The following SLC9A9 variants were observed in gnomAD, a reference collection of about 807,000 sequenced individuals.
SLC9A9 encodes the protein sodium/hydrogen exchanger 9.
In SLC9A9, 62 loss-of-function variants were observed where a neutral mutation model predicts 77.8. The ratio of observed to expected loss-of-function variants is 0.80; its 90% CI spans 0.65 to 0.98. SLC9A9 has a LOEUF of 0.98. Ranked by LOEUF, SLC9A9 falls within the 50% of genes least tolerant of loss-of-function variation. The pLI is 0.00. For synonymous variants in SLC9A9, 320 were observed against 283.5 expected, an observed-to-expected ratio of 1.13 and a Z score of -1.29; for missense variants, 775 against 774.9, an observed-to-expected ratio of 1.00 and a Z score of 0.00.
intron 8 of SLC9A9, among the ~76,000 whole-genome samples, chr3:143,567,668 A>C (rs2037189675): frequency 6.6e-6 from 1 of 152,212 alleles, no homozygotes; most frequent in Admixed American, 6.6e-5. Flanking sequence ...GGTGGCTGCA[A>C]ATGTGGCCCT....
chr3:143,842,163 G>A (rs901390328), intron 1 of SLC9A9, among the ~76,000 whole-genome samples: 1 of 152,066 alleles, frequency 6.6e-6, no homozygotes, highest in African/African-American at 2.4e-5. Flanking sequence ...GGCAGATCAC[G>A]AGGTCAGGAG....
intron 5 of SLC9A9, among the ~76,000 whole-genome samples, chr3:143,675,134 C>A (rs1291053038): frequency 6.6e-6 from 1 of 152,196 alleles, no homozygotes; most frequent in Non-Finnish European, 1.5e-5. Context: ...TCTTAAAAAT[C>A]ATCTAATTCC....
intron 12 of SLC9A9, among the ~76,000 whole-genome samples, chr3:143,398,638 C>A (rs2033782868): frequency 6.6e-6 from 1 of 152,114 alleles, no homozygotes; most frequent in African/African-American, 2.4e-5. Flanking sequence ...CAATTGGTTA[C>A]TTTAATAATT....
intron 8 of SLC9A9, among the ~76,000 whole-genome samples, chr3:143,567,051 C>G (rs2037180451): frequency 6.6e-6 from 1 of 152,042 alleles, no homozygotes; most frequent in Admixed American, 6.6e-5. Flanking sequence ...AACCTAATGA[C>G]TTTTAGAAAA....
chr3:143,474,759 T>C (rs1479287119), intron 11 of SLC9A9, among the ~76,000 whole-genome samples: 1 of 152,010 alleles, frequency 6.6e-6, no homozygotes, highest in Non-Finnish European at 1.5e-5. Context: ...TAGAAAGATA[T>C]GAGGATAGTT....
chr3:143,490,836 A>G (rs2035731649), intron 11 of SLC9A9, among the ~76,000 whole-genome samples: 1 of 152,190 alleles, frequency 6.6e-6, no homozygotes, highest in South Asian at 2.1e-4. Context: ...TAAATATGTA[A>G]CATTACCATC....
rs193043786 is a variant in SLC9A9, at chr3:143,266,462, C to T, written c.*240G>A. ...CCTGATACCTCCATCCCCACCCCAG[C>T]CAATCCAGTAATCAGAATGGCTGCT... On this transcript the variant is annotated 3_prime_UTR_variant, in exon 16 of 16. Coordinates refer to ENST00000316549, the MANE Select transcript of SLC9A9 (RefSeq NM_173653.4). 15 of 571,672 alleles carry T rather than the reference C, an allele frequency of 2.6e-5. No homozygotes were observed. The highest frequency in any genetic ancestry group is 2.2e-4 in the East Asian group (7 of 32,436). The allele number at this position is 571,672 out of a possible 1,614,324, so 35.4% of individuals were successfully genotyped here. A position where few individuals can be genotyped will look rare whatever the true frequency, so the allele number is the denominator to read the frequency against.
chr3:143,396,433 C>T lies in SLC9A9; in HGVS notation c.1470-14319G>A, dbSNP rs573938358. 2.2e-3 allele frequency among the ~76,000 whole-genome samples: 341 copies of T among 152,230 alleles called. 1 individual carries two copies. The highest frequency in any genetic ancestry group is 7.8e-3 in the African/African-American group (326 of 41,536). On this transcript the variant is annotated intron_variant, in intron 12 of 15. Transcript: ENST00000316549. Reference sequence around the variant, plus strand: ...GACACAGGAAGCGGAACATCACACACAGCCTGTTGTGGGTTGGGGGGCTGG... The same window carrying T: ...GACACAGGAAGCGGAACATCACACATAGCCTGTTGTGGGTTGGGGGGCTGG...
intron 2 of SLC9A9, among the ~76,000 whole-genome samples, chr3:143,816,088 T>A (rs2009008458): frequency 6.6e-6 from 1 of 152,238 alleles, no homozygotes; most frequent in South Asian, 2.1e-4. Flanking sequence ...TCTCCTCTTC[T>A]CACCCAGCCC....
chr3:143,523,483 C>A (rs1475389208), intron 9 of SLC9A9, among the ~76,000 whole-genome samples: 1 of 152,066 alleles, frequency 6.6e-6, no homozygotes, highest in Non-Finnish European at 1.5e-5. Flanking sequence ...ATAACTTGTA[C>A]CTGTTAAGAT....
chr3:143,721,523 C>G lies in SLC9A9; in HGVS notation c.534-28216G>C, dbSNP rs1360020664. ...GGTGTAGGTAGGCAGTCTCTGGAGA[C>G]GTGGTCATCAAGAGTAAAGAGAAAG... On this transcript the variant is annotated intron_variant, in intron 4 of 15. Transcript: ENST00000316549. 2.0e-5 allele frequency among the ~76,000 whole-genome samples: 3 copies of G among 152,006 alleles called. No individual in the cohort carries two copies. In the East Asian group the frequency reaches 5.8e-4, roughly 30 times the overall value.
chr3:143,620,621 G>A (rs770453910), intron 6 of SLC9A9: 21 of 152,718 alleles, frequency 1.4e-4, no homozygotes, highest in Middle Eastern at 6.7e-3. Flanking sequence ...CTTTGAAAAA[G>A]GAGAAACAGG....
At chr3:143,704,812 G>T (rs1216631627) in intron 4 of SLC9A9, among the ~76,000 whole-genome samples, 2 of 152,036 alleles carry the variant, frequency 1.3e-5, no homozygotes, top group African/African-American at 4.8e-5. Flanking sequence ...GACCAACATG[G>T]AGAAACCCCA....
In SLC9A9 at chr3:143,390,424, T is replaced by C. The variant is rs76679118; in HGVS notation, c.1470-8310A>G. Among the ~76,000 whole-genome samples, 1,063 of 152,234 alleles carry C rather than the reference T, an allele frequency of 7.0e-3. 6 individuals are homozygous for C. Among genetic ancestry groups the C allele is most frequent in the South Asian group, 0.016 (79 of 4,804 alleles). ...TTCCACAAAACGGAGATAGGAATGGTAAATATGTCATAGGCTGTTGTGGGA... is the reference window on the plus strand; with the variant it reads ...TTCCACAAAACGGAGATAGGAATGGCAAATATGTCATAGGCTGTTGTGGGA... On this transcript the variant is annotated intron_variant, in intron 12 of 15. Coordinates refer to ENST00000316549, the MANE Select transcript of SLC9A9 (RefSeq NM_173653.4).
chr3:143,642,872 T>A (rs1403504846), intron 6 of SLC9A9, among the ~76,000 whole-genome samples: 1 of 152,198 alleles, frequency 6.6e-6, no homozygotes, highest in Non-Finnish European at 1.5e-5. Flanking sequence ...TTTGAAAAGT[T>A]CTTTTTTTCC....
chr3:143,788,944 G>A (rs568702047), intron 4 of SLC9A9, among the ~76,000 whole-genome samples: 1 of 151,572 alleles, frequency 6.6e-6, no homozygotes, highest in Non-Finnish European at 1.5e-5. Flanking sequence ...TAACAACCAA[G>A]GAAATACCAA....
At chr3:143,834,372 A>T (rs749301285) in intron 1 of SLC9A9, among the ~76,000 whole-genome samples, 18 of 152,150 alleles carry the variant, frequency 1.2e-4, no homozygotes, top group African/African-American at 3.6e-4. Context: ...GGGTGCTTGC[A>T]TAAGAACATC....
intron 5 of SLC9A9, among the ~76,000 whole-genome samples, chr3:143,680,880 C>T (rs1933067040): frequency 6.6e-6 from 1 of 152,142 alleles, no homozygotes; most frequent in Admixed American, 6.5e-5. Context: ...AGTTCCCATG[C>T]CCTCTAGCTT....
intron 9 of SLC9A9, among the ~76,000 whole-genome samples, chr3:143,506,182 C>T (rs1238222715): frequency 1.3e-5 from 2 of 152,162 alleles, no homozygotes; most frequent in Admixed American, 6.6e-5. Context: ...CACAGGTACA[C>T]ATATGCACAC....
Sources: allele counts gnomAD v4.1 joint callset (sites outside exome capture counted in the v4.1 genomes callset), GRCh38; gene constraint gnomAD v4.1.1; transcripts MANE v1.5; gene names NCBI Gene and HGNC (gene_info 2026-07-23, HGNC 2026-07-21).